EFCAB6: variants seen among roughly 807,000 people sequenced by gnomAD.
EFCAB6 encodes the protein EF-hand calcium-binding domain-containing protein 6.
EFCAB6 carries 156 observed loss-of-function variants against 169.8 expected under a neutral mutation model. The ratio of observed to expected loss-of-function variants is 0.92; its 90% confidence interval spans 0.81 to 1.05. EFCAB6 has a LOEUF of 1.05. Ranked by LOEUF, EFCAB6 falls within the 50% of genes least tolerant of loss-of-function variation. EFCAB6 has a pLI of 0.00. For synonymous variants in EFCAB6, 698 were observed against 676.4 expected, an observed-to-expected ratio of 1.03 and a Z score of -0.50; for missense variants, 1,800 against 1,829.1, an observed-to-expected ratio of 0.98 and a Z score of 0.29.
chr22:43,683,949 C>T (rs1409076623), intron 11 of EFCAB6, 94 bp from the exon 12 acceptor site: 3 of 906,190 alleles, frequency 3.3e-6, no homozygotes, highest in African/African-American at 1.6e-5. Context: ...CACCACAATA[C>T]AGTAGAGCTT....
chr22:43,713,975 A>C (rs993613354), intron 9 of EFCAB6, among the ~76,000 whole-genome samples: 8 of 152,188 alleles, frequency 5.3e-5, no homozygotes, highest in African/African-American at 1.9e-4. Flanking sequence ...ATATGAACAC[A>C]TCCCCTGCAA....
intron 25 of EFCAB6, among the ~76,000 whole-genome samples, chr22:43,579,267 C>T (rs893989647): frequency 2.5e-4 from 38 of 150,036 alleles, no homozygotes; most frequent in African/African-American, 7.6e-4. Context: ...TCCCTACATG[C>T]AGGCATTATT....
At chr22:43,582,958 T>C (rs1455514131) in intron 24 of EFCAB6, among the ~76,000 whole-genome samples, 4 of 152,240 alleles carry the variant, frequency 2.6e-5, no homozygotes, top group African/African-American at 9.6e-5. Flanking sequence ...GGTTTACCTC[T>C]GATAGCAAGG....
At chr22:43,800,519 G>A (rs2062671274) in intron 2 of EFCAB6, among the ~76,000 whole-genome samples, 1 of 152,162 alleles carries the variant, frequency 6.6e-6, no homozygotes, top group South Asian at 2.1e-4. Context: ...AGTGATATTT[G>A]AGCTGTCTAT....
intron 26 of EFCAB6, 25 bp from the exon 27 acceptor site, chr22:43,555,121 A>ATCCATG: frequency 6.2e-7 from 1 of 1,612,152 alleles, no homozygotes; most frequent in Non-Finnish European, 8.5e-7. Flanking sequence ...ATGGAAATTG[A>ATCCATG]TCCATGTGAG....
chr22:43,540,101 G>C, intron 28 of EFCAB6, 26 bp downstream of exon 28: 1 of 1,610,946 alleles, frequency 6.2e-7, no homozygotes, highest in Non-Finnish European at 8.5e-7. Context: ...GGAGGCCTGG[G>C]ACACCTGGCA....
chr22:43,626,862 A>G (rs1225685683), intron 19 of EFCAB6, among the ~76,000 whole-genome samples, 183 bp from the exon 20 acceptor site: 1 of 152,112 alleles, frequency 6.6e-6, no homozygotes, highest in East Asian at 1.9e-4. Context: ...TTTTCCCAAG[A>G]AATTATAAAG....
At chr22:43,726,614 A>C (rs1048099039) in intron 8 of EFCAB6, among the ~76,000 whole-genome samples, 1 of 152,252 alleles carries the variant, frequency 6.6e-6, no homozygotes, top group Non-Finnish European at 1.5e-5. Context: ...TACCAGCTTT[A>C]GGAATTGGAA....
chr22:43,733,142 T>G (rs967241497), intron 7 of EFCAB6, among the ~76,000 whole-genome samples: 13 of 152,204 alleles, frequency 8.5e-5, no homozygotes, highest in Admixed American at 3.9e-4. Flanking sequence ...CTGCCAGATG[T>G]TAACAGTGAA....
chr22:43,688,126 GA>G (rs2058271660), intron 10 of EFCAB6, among the ~76,000 whole-genome samples: 1 of 152,198 alleles, frequency 6.6e-6, no homozygotes, highest in Admixed American at 6.5e-5. Context: ...CATGAGGACA[GA>G]AGGGCAGAAG....
chr22:43,531,440 G>A (rs736621), intron 30 of EFCAB6, among the ~76,000 whole-genome samples: 6,271 of 152,090 alleles, frequency 0.041, 134 homozygotes, highest in African/African-American at 0.051. Context: ...AATGAACAGT[G>A]TTAAAAAAAA....
chr22:43,704,951 CAT>C (rs1414402396), intron 10 of EFCAB6, among the ~76,000 whole-genome samples: 2 of 152,122 alleles, frequency 1.3e-5, no homozygotes, highest in Admixed American at 6.5e-5. Context: ...ATAAAAAAGA[CAT>C]AGAGTGACCA....
intron 30 of EFCAB6, among the ~76,000 whole-genome samples, chr22:43,531,358 G>C (rs1311264752): frequency 1.3e-5 from 2 of 152,102 alleles, no homozygotes; most frequent in Non-Finnish European, 2.9e-5. Flanking sequence ...TGGCCGGGCA[G>C]ATATGGGCCA....
chr22:43,725,299 G>T (rs982220574), intron 8 of EFCAB6, among the ~76,000 whole-genome samples: 2 of 151,936 alleles, frequency 1.3e-5, no homozygotes, highest in African/African-American at 4.8e-5. Context: ...GCGCCACCAC[G>T]CCCAGCTAAT....
intron 4 of EFCAB6, among the ~76,000 whole-genome samples, chr22:43,770,442 T>C (rs551069364): frequency 6.6e-6 from 1 of 152,242 alleles, no homozygotes; most frequent in Admixed American, 6.5e-5. Context: ...CATGTGAAAA[T>C]TACTAGACAA....
intron 2 of EFCAB6, among the ~76,000 whole-genome samples, chr22:43,786,673 C>A (rs2062088932): frequency 6.6e-6 from 1 of 151,728 alleles, no homozygotes; most frequent in African/African-American, 2.4e-5. Context: ...AAGATCGCGC[C>A]ACTGCACTCC....
At chr22:43,612,261 G>C (rs1343566892) in intron 21 of EFCAB6, among the ~76,000 whole-genome samples, 1 of 152,068 alleles carries the variant, frequency 6.6e-6, no homozygotes, top group African/African-American at 2.4e-5. Flanking sequence ...CTGGACATAG[G>C]AACTGAGAAA....
At chr22:43,789,710 A>G (rs2062208240) in intron 2 of EFCAB6, among the ~76,000 whole-genome samples, 1 of 152,180 alleles carries the variant, frequency 6.6e-6, no homozygotes, top group South Asian at 2.1e-4. Flanking sequence ...TTAGTGTTTC[A>G]GAAAATAAGG....
rs760894884 is a variant in EFCAB6 at position 43,678,158 on chromosome 22, G to T, written c.1257C>A (p.Pro419=). 1 of 1,610,314 alleles carries T rather than the reference G, an allele frequency of 6.2e-7. No individual in the cohort carries two copies. Among genetic ancestry groups the T allele is most frequent in the Non-Finnish European group, 8.5e-7 (1 of 1,179,184 alleles). The change falls in exon 13 of 32, where the codon CCC becomes CCA. Residue 419 remains proline (P), a synonymous_variant. Transcript: ENST00000262726. The stretch of plus-strand genomic sequence containing the variant: ...ATTCTTCTCTTGTTATCGGTCCATC[G>T]GGTTTCTGAGCATCAGAGTGTATAT... The part of the protein sequence containing the change: ...KKALLIINTK[P]DGPITREEFR...
Sources: gnomAD v4.1 joint callset for allele counts (sites outside exome capture counted in the v4.1 genomes callset) on GRCh38, gnomAD v4.1.1 for gene constraint, MANE v1.5 for transcripts, NCBI Gene and HGNC (gene_info 2026-07-23, HGNC 2026-07-21) for gene names.